The following TENM1 variants were observed in gnomAD, a reference collection of about 807,000 sequenced individuals.
TENM1 encodes the protein teneurin-1.
A neutral mutation model predicts 174.8 loss-of-function variants in TENM1; 35 were observed. The ratio of observed to expected loss-of-function variants is 0.20; its 90% CI spans 0.15 to 0.27. TENM1 has a LOEUF of 0.27. TENM1 is among the 10% of genes least tolerant of loss of function. The probability of loss-of-function intolerance (pLI) is 1.00; values close to 1 mark genes in which losing one functional copy is unlikely to be tolerated. For synonymous variants in TENM1, 781 were observed against 798.7 expected, an observed-to-expected ratio of 0.98 and a Z score of 0.37; for missense variants, 1,633 against 2,130.1, an observed-to-expected ratio of 0.77 and a Z score of 4.59.
At chrX:124,757,195 T>C (rs1164803296) in intron 3 of TENM1, among the ~76,000 whole-genome samples, 5 of 112,644 alleles carry the variant, frequency 4.4e-5, no homozygotes, top group Non-Finnish European at 9.4e-5. Flanking sequence ...GCCTGGGCAA[T>C]GGCAGGCGCC....
chrX:124,402,550 T>C (rs1015162419), intron 27 of TENM1, among the ~76,000 whole-genome samples: 1 of 112,385 alleles, frequency 8.9e-6, no homozygotes, highest in African/African-American at 3.2e-5. Flanking sequence ...ATTTGGGATA[T>C]GGGGTGTAAA....
chrX:124,778,953 A>G (rs1033171270), intron 3 of TENM1, among the ~76,000 whole-genome samples: 2 of 112,178 alleles, frequency 1.8e-5, no homozygotes, highest in African/African-American at 6.5e-5. Context: ...AAAAATATGG[A>G]TATCAGCAGG....
intron 3 of TENM1, among the ~76,000 whole-genome samples, chrX:124,755,313 C>T (rs961538438): frequency 6.3e-5 from 7 of 110,327 alleles, no homozygotes; most frequent in Non-Finnish European, 1.1e-4. Flanking sequence ...ATGGCAATCC[C>T]GGCCTTTTTT....
chrX:124,418,517 T>G (rs2060617962), intron 25 of TENM1, among the ~76,000 whole-genome samples: 1 of 111,845 alleles, frequency 8.9e-6, no homozygotes, highest in African/African-American at 3.3e-5. Context: ...TAGATTTTTC[T>G]CCATAGAACT....
chrX:125,047,296 TC>T, the TENM1 span, among the ~76,000 whole-genome samples: 2 of 111,776 alleles, frequency 1.8e-5, no homozygotes, highest in Admixed American at 9.5e-5. Flanking sequence ...CAATATTGTT[TC>T]CCCTGTTAGC....
chrX:125,166,123 C>A, the TENM1 span, among the ~76,000 whole-genome samples: 1 of 111,202 alleles, frequency 9.0e-6, no homozygotes, highest in Non-Finnish European at 1.9e-5. Context: ...TTCATTTACA[C>A]TTGATAACTT....
At chrX:124,422,228 C>A in intron 24 of TENM1, 44 bp downstream of exon 27, 1 of 1,166,986 alleles carries the variant, frequency 8.6e-7, no homozygotes, top group South Asian at 2.0e-5. Flanking sequence ...TTTTTCTTTT[C>A]AAAACAGAGA....
intron 1 of TENM1, among the ~76,000 whole-genome samples, chrX:124,937,761 T>C (rs145070140): frequency 0.013 from 1,505 of 111,948 alleles, 20 homozygotes; most frequent in African/African-American, 0.046. Flanking sequence ...TACTGCAAGG[T>C]ACATAAATAA....
intron 5 of TENM1, among the ~76,000 whole-genome samples, chrX:124,673,792 T>C (rs1394788055): frequency 9.0e-6 from 1 of 111,302 alleles, no homozygotes; most frequent in East Asian, 2.8e-4. Flanking sequence ...TGCATGTGTA[T>C]AGGTGTGCTG....
exon 30 of TENM1, chrX:124,384,645 G>T: frequency 1.7e-6 from 2 of 1,209,483 alleles, no homozygotes; most frequent in Non-Finnish European, 2.2e-6. Context: ...GTTATGACCT[G>T]ATTTAAATCG....
At chrX:124,751,312 C>T (rs1045882017) in intron 3 of TENM1, among the ~76,000 whole-genome samples, 2 of 111,466 alleles carry the variant, frequency 1.8e-5, no homozygotes, top group African/African-American at 6.5e-5. Context: ...AATGTTATTA[C>T]AATAAAAAGA....
chrX:124,670,646 C>A lies in TENM1; in HGVS notation c.1168+1037G>T, dbSNP rs113507547. ...TTAATTTTTACTGAAGCATGGATTA[C>A]AGTTACCTTTTCAAAAGCACACAAA... On this transcript the variant is annotated intron_variant, in intron 6 of 31. Transcript: ENST00000422452. Among the ~76,000 whole-genome samples the A allele has an allele frequency of 3.8e-3, 427 of 111,503 alleles. 3 individuals are homozygous for A. Among genetic ancestry groups the A allele is most frequent in the African/African-American group, 0.013 (397 of 30,700 alleles).
chrX:124,737,054 G>A (rs760926908), exon 4 of TENM1: 2 of 1,211,472 alleles, frequency 1.7e-6, no homozygotes, highest in Non-Finnish European at 1.1e-6. Context: ...GCTGGGCTGG[G>A]CTGGCTGCGG....
At chrX:125,175,844 C>T in the TENM1 span, among the ~76,000 whole-genome samples, 2 of 111,853 alleles carry the variant, frequency 1.8e-5, no homozygotes, top group African/African-American at 6.5e-5. Flanking sequence ...GTGCCTGGCA[C>T]AGAGTTAAAT....
At chrX:125,037,266 T>C in the TENM1 span, among the ~76,000 whole-genome samples, 1 of 110,365 alleles carries the variant, frequency 9.1e-6, no homozygotes, top group Middle Eastern at 4.6e-3. Flanking sequence ...GTTTTGATTC[T>C]CATTGGTGCC....
At chrX:124,942,614 A>T (rs1367760985) in intron 1 of TENM1, among the ~76,000 whole-genome samples, 1 of 111,970 alleles carries the variant, frequency 8.9e-6, no homozygotes, top group Non-Finnish European at 1.9e-5. Flanking sequence ...ACAGCGGAGA[A>T]AAAGAAATGG....
At chrX:124,867,742 A>G (rs940483127) in intron 3 of TENM1, among the ~76,000 whole-genome samples, 1 of 112,338 alleles carries the variant, frequency 8.9e-6, no homozygotes, top group Non-Finnish European at 1.9e-5. Flanking sequence ...AAAAACATAA[A>G]GACTCCACAA....
At chrX:124,781,026 C>A (rs1258996666) in intron 3 of TENM1, among the ~76,000 whole-genome samples, 1 of 111,633 alleles carries the variant, frequency 9.0e-6, no homozygotes, top group Admixed American at 9.5e-5. Flanking sequence ...GTGCCCCAAC[C>A]GGACCATTCT....
chrX:124,728,602 G>A (rs887298260), intron 4 of TENM1, among the ~76,000 whole-genome samples: 1 of 110,822 alleles, frequency 9.0e-6, no homozygotes, highest in Non-Finnish European at 1.9e-5. Context: ...CTACCTACCT[G>A]AACACTTCCT....
Sources: gnomAD v4.1 joint callset for allele counts (sites outside exome capture counted in the v4.1 genomes callset) on GRCh38, gnomAD v4.1.1 for gene constraint, MANE v1.5 for transcripts, NCBI Gene and HGNC (gene_info 2026-07-23, HGNC 2026-07-21) for gene names.